Variants in PBX3 observed in about 807,000 individuals in gnomAD.
The protein encoded by PBX3 is pre-B-cell leukemia transcription factor 3.
A neutral mutation model predicts 48.5 loss-of-function variants in PBX3; 14 were observed. The ratio of observed to expected loss-of-function variants is 0.29; its 90% confidence interval spans 0.19 to 0.45. PBX3 has a LOEUF of 0.45. Among genes scored for constraint, PBX3 ranks in the 20% least tolerant of loss-of-function variants. The pLI is 1.00. For missense variants in PBX3, 386 were observed against 546.7 expected (o/e 0.71, Z 2.93); for synonymous variants, 210 against 200.3 (o/e 1.05, Z -0.41).
At chr9:125,792,783 C>T (rs956351844) in intron 2 of PBX3, among the ~76,000 whole-genome samples, 5 of 150,604 alleles carry the variant, frequency 3.3e-5, no homozygotes, top group Non-Finnish European at 7.4e-5. Flanking sequence ...ACTGCAACCT[C>T]CGCCTCCTGG....
chr9:125,944,821 G>A (rs1170727879), intron 5 of PBX3, among the ~76,000 whole-genome samples: 2 of 152,268 alleles, frequency 1.3e-5, no homozygotes, highest in East Asian at 3.9e-4. Flanking sequence ...ACTCAGACAA[G>A]CCTGAACTAA....
At chr9:125,756,264 T>C (rs1297930284) in intron 2 of PBX3, among the ~76,000 whole-genome samples, 1 of 152,156 alleles carries the variant, frequency 6.6e-6, no homozygotes, top group Non-Finnish European at 1.5e-5. Flanking sequence ...TCATACTGGA[T>C]TCAGATTTTG....
intron 2 of PBX3, among the ~76,000 whole-genome samples, chr9:125,804,947 TA>T (rs547253775): frequency 0.12 from 6,325 of 53,490 alleles, 426 homozygotes; most frequent in African/African-American, 0.2. Context: ...GGCTCTGTCT[TA>T]AAAAAAAAAA....
intron 2 of PBX3, among the ~76,000 whole-genome samples, chr9:125,802,282 TC>T (rs1301006565): frequency 6.8e-6 from 1 of 146,876 alleles, no homozygotes; most frequent in Non-Finnish European, 1.5e-5. Context: ...TCTCTAGTAG[TC>T]CCTAGTGTCT....
intron 2 of PBX3, among the ~76,000 whole-genome samples, chr9:125,811,776 A>G (rs1281791553): frequency 2.6e-5 from 4 of 152,118 alleles, no homozygotes; most frequent in Non-Finnish European, 5.9e-5. Flanking sequence ...AGAGAGAGAT[A>G]ATCTTTCTCA....
intron 2 of PBX3, among the ~76,000 whole-genome samples, chr9:125,811,075 C>T (rs150306960): frequency 1.0e-3 from 159 of 152,268 alleles, no homozygotes; most frequent in African/African-American, 3.7e-3. Context: ...GGTTCCTTAG[C>T]CTCTTTCTTT....
At chr9:125,751,108 A>T (rs901318706) in intron 2 of PBX3, among the ~76,000 whole-genome samples, 16 of 152,234 alleles carry the variant, frequency 1.1e-4, no homozygotes, top group Middle Eastern at 3.2e-3. Context: ...AATATTTTTT[A>T]AAAATCATTT....
chr9:125,834,040 C>T (rs1839045577), intron 2 of PBX3, among the ~76,000 whole-genome samples: 1 of 152,138 alleles, frequency 6.6e-6, no homozygotes, highest in African/African-American at 2.4e-5. Context: ...TTCTCTGAGC[C>T]AGAGATTTTT....
intron 2 of PBX3, among the ~76,000 whole-genome samples, chr9:125,781,014 G>A (rs1837289690): frequency 2.5e-5 from 3 of 119,048 alleles, no homozygotes; most frequent in African/African-American, 1.0e-4. Flanking sequence ...CGGCCGGGCA[G>A]AGACGCTCCT....
At position 125,748,631 on chromosome 9, in the gene PBX3, G is replaced by T. The variant is rs1836277168; in HGVS notation, c.274+8G>T. ...AGATCAAAGAGAAAACAGGTAAGACGCTGCGCCCCGCAGTGGGCCTGGAGA... is the reference window on the plus strand; with the variant it reads ...AGATCAAAGAGAAAACAGGTAAGACTCTGCGCCCCGCAGTGGGCCTGGAGA... On this transcript the variant is annotated splice_region_variant and intron_variant, in intron 2 of 8. Transcript: ENST00000373489. 5 of 1,611,448 alleles carry T rather than the reference G, an allele frequency of 3.1e-6. No individual in the cohort carries two copies. Among genetic ancestry groups the T allele is most frequent in the Non-Finnish European group, 4.2e-6 (5 of 1,178,698 alleles).
At chr9:125,749,667 C>T (rs186902876) in intron 2 of PBX3, 8 of 150,400 alleles carry the variant, frequency 5.3e-5, no homozygotes. Context: ...ATAGCACTAT[C>T]CAAGGGAGGC....
chr9:125,957,941 T>G (rs1252966424), intron 5 of PBX3, among the ~76,000 whole-genome samples: 1 of 152,250 alleles, frequency 6.6e-6, no homozygotes, highest in African/African-American at 2.4e-5. Flanking sequence ...ACTCTAGGTC[T>G]GTCTCCTGAG....
At chr9:125,786,779 C>T (rs991302788) in intron 2 of PBX3, among the ~76,000 whole-genome samples, 9 of 150,946 alleles carry the variant, frequency 6.0e-5, no homozygotes, top group African/African-American at 1.7e-4. Flanking sequence ...GACTGGAGTG[C>T]GATGGCCCAA....
At chr9:125,817,173 A>G (rs1838490889) in intron 2 of PBX3, among the ~76,000 whole-genome samples, 1 of 152,226 alleles carries the variant, frequency 6.6e-6, no homozygotes, top group Non-Finnish European at 1.5e-5. Flanking sequence ...AAGGCTACCT[A>G]TAAGTAGTTT....
intron 2 of PBX3, among the ~76,000 whole-genome samples, chr9:125,899,071 A>G (rs1840843251): frequency 6.6e-6 from 1 of 151,066 alleles, no homozygotes; most frequent in East Asian, 1.9e-4. Context: ...GTTGAAAGGA[A>G]TGCTGCTGCT....
At chr9:125,780,202 A>C (rs1486485712) in intron 2 of PBX3, among the ~76,000 whole-genome samples, 4 of 98,806 alleles carry the variant, frequency 4.0e-5, no homozygotes, top group Admixed American at 1.1e-4. Context: ...TGATCCCCCC[A>C]CCTCCCTCCC....
chr9:125,843,900 T>G (rs1361587453), intron 2 of PBX3: 1 of 436,384 alleles, frequency 2.3e-6, no homozygotes, highest in Non-Finnish European at 4.6e-6. Context: ...GGGGTTAATG[T>G]AGTATGGAGA....
rs539542030 is a variant in PBX3 at position 125,898,059 on chromosome 9, A to G, written c.275-17627A>G. 1.8e-4 allele frequency among the ~76,000 whole-genome samples: 28 copies of G among 151,946 alleles called. 1 individual carries two copies. The highest frequency in any genetic ancestry group is 6.5e-4 in the African/African-American group (27 of 41,518). ...AACTTGAGCCTCAAGTCAACAGTAA[A>G]TAATTATGATGGAATTGATAAATAA... On this transcript the variant is annotated intron_variant, in intron 2 of 8. Coordinates refer to ENST00000373489, the MANE Select transcript of PBX3 (RefSeq NM_006195.6).
chr9:125,775,735 A>G (rs1837055086), intron 2 of PBX3, among the ~76,000 whole-genome samples: 1 of 152,186 alleles, frequency 6.6e-6, no homozygotes, highest in Non-Finnish European at 1.5e-5. Context: ...GCCCCTTGCA[A>G]TTCCATATGA....
Sources: gnomAD v4.1 joint callset for allele counts (sites outside exome capture counted in the v4.1 genomes callset) on GRCh38, gnomAD v4.1.1 for gene constraint, MANE v1.5 for transcripts, NCBI Gene and HGNC (gene_info 2026-07-23, HGNC 2026-07-21) for gene names.